CEACAM1: variants seen among roughly 807,000 people sequenced by gnomAD.
CEACAM1 encodes CEA cell adhesion molecule 1.
A neutral mutation model predicts 49.1 loss-of-function variants in CEACAM1; 31 were observed. The ratio of observed to expected loss-of-function variants is 0.63; its 90% CI spans 0.47 to 0.85. The LOEUF is 0.85. Ranked by LOEUF, CEACAM1 falls within the 40% of genes least tolerant of loss-of-function variation. The pLI is 0.00. For missense variants in CEACAM1, 570 were observed against 645.3 expected (o/e 0.88, Z 1.26); for synonymous variants, 244 against 247.8 (o/e 0.98, Z 0.14).
Position 42,509,157 on chromosome 19 carries a change from T to A in CEACAM1, c.1533A>T (p.Pro511=). The change falls in exon 9 of 9, where the codon CCA becomes CCT. Residue 511 remains proline, a synonymous_variant. Coordinates refer to ENST00000161559, the MANE Select transcript of CEACAM1 (RefSeq NM_001712.5). ...QQPTQPTSAS[P]SLTATEIIYS... ...AAATTATTTCTGTGGCTGTTAGGGA[T>A]GGGGAGGCTGAAGTTGGTTGTGTGG... 1.2e-6 allele frequency: 2 copies of A among 1,614,152 alleles called. No homozygotes were observed. Among genetic ancestry groups the A allele is most frequent in the Non-Finnish European group, 1.7e-6 (2 of 1,180,014 alleles).
rs142786390 is a variant in CEACAM1 at position 42,509,441 on chromosome 19, G to A, written c.1462-213C>T. On this transcript the variant is annotated intron_variant, in intron 8 of 8. Coordinates refer to ENST00000161559, the MANE Select transcript of CEACAM1 (RefSeq NM_001712.5). ...TATATATGCAATGGGATAGGATAAT[G>A]CAGCAATGAGAACCAGCAAACCACA... 2.6e-5 allele frequency among the ~76,000 whole-genome samples: 4 copies of A among 152,304 alleles called. 1 individual carries two copies. The East Asian group carries it at 7.7e-4, about 29-fold the overall frequency.
At chr19:42,523,179 GT>G (rs1389443656) in intron 2 of CEACAM1, among the ~76,000 whole-genome samples, 1 of 152,204 alleles carries the variant, frequency 6.6e-6, no homozygotes, top group South Asian at 2.1e-4. Context: ...CCCACTAGGT[GT>G]GTTTTCTCTG....
At chr19:42,525,210 G>A (rs1002648312) in intron 2 of CEACAM1, among the ~76,000 whole-genome samples, 5 of 150,410 alleles carry the variant, frequency 3.3e-5, no homozygotes, top group Non-Finnish European at 7.4e-5. Context: ...GGGTCTGAGG[G>A]GATAGGCCTG....
chr19:42,527,019 G>T, intron 2 of CEACAM1, 22 bp downstream of exon 2: 1 of 1,580,416 alleles, frequency 6.3e-7, no homozygotes, highest in Non-Finnish European at 8.6e-7. Context: ...CCAACACCCA[G>T]AGGTCATGGG....
At chr19:42,515,663 C>T (rs895992017) in intron 5 of CEACAM1, among the ~76,000 whole-genome samples, 59 of 143,552 alleles carry the variant, frequency 4.1e-4, no homozygotes, top group African/African-American at 1.6e-3. Flanking sequence ...TGTCTCAAAC[C>T]GAAAAAAAAA....
At chr19:42,518,598 C>T (rs879575436) in intron 5 of CEACAM1, 4 of 270,614 alleles carry the variant, frequency 1.5e-5, no homozygotes, top group East Asian at 1.2e-4. Flanking sequence ...CCCAGGTTCA[C>T]GCCATTCTCC....
chr19:42,522,647 T>G (rs1353393249), intron 2 of CEACAM1, among the ~76,000 whole-genome samples: 2 of 149,828 alleles, frequency 1.3e-5, no homozygotes, highest in African/African-American at 4.9e-5. Context: ...CTGCAACCTC[T>G]TCCTCCCGGG....
intron 5 of CEACAM1, among the ~76,000 whole-genome samples, chr19:42,514,374 G>T (rs2041547156): frequency 6.6e-6 from 1 of 151,802 alleles, no homozygotes; most frequent in Non-Finnish European, 1.5e-5. Flanking sequence ...CAGGTGACCC[G>T]CCTGCCTCAA....
rs189353249 is a variant in CEACAM1 at position 42,517,570 on chromosome 19, G to A, written c.1246+1378C>T. Among the ~76,000 whole-genome samples, 145 of 152,300 alleles carry A rather than the reference G, an allele frequency of 9.5e-4. 1 individual carries two copies. Among genetic ancestry groups the A allele is most frequent in the Admixed American group, 2.3e-3 (35 of 15,298 alleles). ...TAAATGGCAAATAAGCACATGAAAA[G>A]ATGCTAAATATTGCTAATCATTAGG... On this transcript the variant is annotated intron_variant, in intron 5 of 8. Transcript: ENST00000161559.
chr19:42,518,164 C>T (rs748255789), intron 5 of CEACAM1, among the ~76,000 whole-genome samples: 2 of 152,100 alleles, frequency 1.3e-5, no homozygotes, highest in Non-Finnish European at 2.9e-5. Context: ...GTGGCTCATT[C>T]CTGTAATCCC....
rs2041673497 is a variant in CEACAM1, at chr19:42,519,064, C to T, written c.1130G>A (p.Gly377Asp). The change falls in exon 5 of 9, where the codon GGC becomes GAC. Residue 377 changes from glycine (G) to aspartate (D), a missense_variant. Transcript: ENST00000161559. ...AGGGTTTATGCTGAGGGTGGTGTTG[C>T]CCTGGGACAGCTTCATCCTCTCCGA... ...PSSERMKLSQ[G>D]NTTLSINPVK... is the part of the protein sequence containing the mutation. The T allele has an allele frequency of 6.2e-7, 1 of 1,613,896 alleles. No homozygotes were observed. Among genetic ancestry groups the T allele is most frequent in the East Asian group, 2.2e-5 (1 of 44,862 alleles).
intron 4 of CEACAM1, among the ~76,000 whole-genome samples, chr19:42,520,312 CAG>C (rs1043955687): frequency 8.5e-5 from 13 of 152,344 alleles, no homozygotes; most frequent in Admixed American, 2.0e-4. Context: ...AGGACAAGCT[CAG>C]GGAGGCAGCC....
chr19:42,511,173 G>A, intron 7 of CEACAM1: 2 of 584,532 alleles, frequency 3.4e-6, no homozygotes, highest in Non-Finnish European at 6.1e-6. Context: ...GCCCAGATGT[G>A]TTTCTCAGCA....
At chr19:42,516,677 C>A in intron 5 of CEACAM1, 1 of 191,828 alleles carries the variant, frequency 5.2e-6, no homozygotes, top group East Asian at 1.7e-4. Flanking sequence ...CTGAAGGGAC[C>A]ATGGATAGCC....
chr19:42,514,319 C>T (rs555643516), intron 5 of CEACAM1, among the ~76,000 whole-genome samples: 56 of 152,006 alleles, frequency 3.7e-4, no homozygotes, highest in Non-Finnish European at 5.9e-4. Context: ...TTAGTAGAGA[C>T]GGGGTTTCTC....
rs557903043 is a variant in CEACAM1, at chr19:42,507,662, C to G, written c.*1447G>C. On this transcript the variant is annotated 3_prime_UTR_variant, in exon 9 of 9. Transcript: ENST00000161559. ...TTTATTATAAGATACATTTATAGAC[C>G]CCATAGAAGAAAAGATAAATTTCAG... is the stretch of plus-strand genomic sequence containing the variant. 2.0e-5 allele frequency: 3 copies of G among 152,232 alleles called. No homozygotes were observed. The highest frequency in any genetic ancestry group is 1.9e-4 in the East Asian group (1 of 5,192). The allele number at this position is 152,232 out of a possible 1,614,324, so 9.4% of individuals were successfully genotyped here. A position where few individuals can be genotyped will look rare whatever the true frequency, so the allele number is the denominator to read the frequency against.
chr19:42,527,172 C>T lies in CEACAM1; in HGVS notation c.293G>A (p.Arg98Gln), dbSNP rs758867188. 28 of 1,614,036 alleles carry T rather than the reference C, an allele frequency of 1.7e-5. No homozygotes were observed. The East Asian group carries it at 2.9e-4, about 17-fold the overall frequency. The change falls in exon 2 of 9, where the codon CGA becomes CAA. Residue 98 changes from arginine (R) to glutamine (Q), a missense_variant. Transcript: ENST00000161559. The stretch of plus-strand genomic sequence containing the variant: ...GGATGCATTGGGGTATATTGTCTCT[C>T]GACCGCTGTTTGCGGGCCCTGGGGT... Reference protein sequence around the residue: ...QATPGPANSGRETIYPNASLL... With the variant: ...QATPGPANSGQETIYPNASLL...
chr19:42,528,165 T>G, intron 1 of CEACAM1, 146 bp downstream of exon 1: 2 of 601,570 alleles, frequency 3.3e-6, no homozygotes, highest in Non-Finnish European at 5.8e-6. Context: ...TTTCCTTTTA[T>G]GATCTCTATC....
At position 42,507,975 on chromosome 19, in the gene CEACAM1, T is replaced by A. The variant is rs1219510660; in HGVS notation, c.*1134A>T. 1 of 152,228 alleles carries A rather than the reference T, an allele frequency of 6.6e-6. No homozygotes were observed. The allele number at this position is 152,228 out of a possible 1,614,324, so 9.4% of individuals were successfully genotyped here. ...AGGTGCCTAGAAACTGAGTTAAATC[T>A]AGCTCTAGCCATGAATGAAGAAAAC... On this transcript the variant is annotated 3_prime_UTR_variant, in exon 9 of 9. Coordinates refer to ENST00000161559, the MANE Select transcript of CEACAM1 (RefSeq NM_001712.5).
Sources: gnomAD v4.1 joint callset for allele counts (sites outside exome capture counted in the v4.1 genomes callset) on GRCh38, gnomAD v4.1.1 for gene constraint, MANE v1.5 for transcripts, NCBI Gene and HGNC (gene_info 2026-07-23, HGNC 2026-07-21) for gene names.